KCNQ1: variants seen among roughly 807,000 people sequenced by gnomAD.
KCNQ1 encodes potassium voltage-gated channel subfamily KQT member 1.
A neutral mutation model predicts 72.4 loss-of-function variants in KCNQ1; 49 were observed. The observed-to-expected ratio is 0.68, with a 90% CI of 0.54 to 0.86. The LOEUF is 0.86. Among genes scored for constraint, KCNQ1 ranks in the 40% least tolerant of loss-of-function variants. The pLI is 0.00. For synonymous variants in KCNQ1, 450 were observed against 412.6 expected (o/e 1.09, Z -1.10); for missense variants, 790 against 945.1 (o/e 0.84, Z 2.15).
rs1850343726 is a variant in KCNQ1, at chr11:2,679,109, T to C, written c.1514+17028T>C. On this transcript the variant is annotated intron_variant, in intron 11 of 15. Coordinates refer to ENST00000155840, the MANE Select transcript of KCNQ1 (RefSeq NM_000218.3). The surrounding 1 kb of genome is among the most constrained non-coding windows in gnomAD (Gnocchi z 4.8). The stretch of plus-strand genomic sequence containing the variant: ...GTCATAGCTAGAGCTAGAGTGCTGT[T>C]ATAAGCTGTGCAGGCCAAAATGGTT... 2.5e-6 allele frequency: 1 copy of C among 398,646 alleles called. No homozygotes were observed. The highest frequency in any genetic ancestry group is 4.4e-6 in the Non-Finnish European group (1 of 226,068). The allele number at this position is 398,646 out of a possible 1,614,324, so 24.7% of individuals were successfully genotyped here. A position where few individuals can be genotyped will look rare whatever the true frequency, so the allele number is the denominator to read the frequency against.
chr11:2,796,857 A>G (rs942955936), intron 15 of KCNQ1, among the ~76,000 whole-genome samples: 1 of 152,154 alleles, frequency 6.6e-6, no homozygotes, highest in Admixed American at 6.5e-5. Flanking sequence ...TGAGAAAACG[A>G]TGGGGCAGGG....
intron 11 of KCNQ1, chr11:2,685,044 T>G: frequency 2.5e-6 from 1 of 398,662 alleles, no homozygotes; most frequent in Admixed American, 4.4e-5. Context: ...GCACATTTCC[T>G]GGATTTAAAA....
intron 10 of KCNQ1, chr11:2,648,011 T>C (rs1849692626): frequency 2.3e-5 from 9 of 396,136 alleles, no homozygotes; most frequent in South Asian, 1.4e-4. Flanking sequence ...TCCAGGAGTT[T>C]GAGACCAGCC....
intron 2 of KCNQ1, among the ~76,000 whole-genome samples, chr11:2,561,439 C>T (rs1404801523): frequency 6.6e-6 from 1 of 152,172 alleles, no homozygotes; most frequent in Non-Finnish European, 1.5e-5. Flanking sequence ...CCCTCTTGAG[C>T]ACATGGGACA....
chr11:2,513,080 G>A (rs1477757291), intron 1 of KCNQ1, among the ~76,000 whole-genome samples: 2 of 152,194 alleles, frequency 1.3e-5, no homozygotes, highest in Middle Eastern at 3.4e-3. Context: ...GAGAGCTCCC[G>A]AGGAGAAAGC....
chr11:2,521,468 A>C (rs760744416), intron 1 of KCNQ1: 1 of 465,540 alleles, frequency 2.1e-6, no homozygotes, highest in Non-Finnish European at 4.5e-6. Context: ...CGTAATTTTT[A>C]ATGTTTACAG....
rs1845716633 is a variant in KCNQ1 at position 2,723,963 on chromosome 11, T to C, written c.1515-44881T>C. On this transcript the variant is annotated intron_variant, in intron 11 of 15. Transcript: ENST00000155840. This position sits in a 1 kb window ranked among gnomAD's most constrained non-coding sequence, Gnocchi z 4.2. The stretch of plus-strand genomic sequence containing the variant: ...GTATCTGCCGTGGGCGTGGAGGCAT[T>C]TACTCTTTTCACCGGGGGAGCAGAA... Among the ~76,000 whole-genome samples, 1 of 152,048 alleles carries C rather than the reference T, an allele frequency of 6.6e-6. No individual in the cohort carries two copies. The highest frequency in any genetic ancestry group is 6.5e-5 in the Admixed American group (1 of 15,280).
rs147344190 is a variant in KCNQ1, at chr11:2,498,912, C to T, written c.387-29016C>T. Among the ~76,000 whole-genome samples the T allele has an allele frequency of 4.5e-3, 686 of 152,280 alleles. 6 individuals are homozygous for T. Among genetic ancestry groups the T allele is most frequent in the African/African-American group, 0.016 (663 of 41,566 alleles). On this transcript the variant is annotated intron_variant, in intron 1 of 15. Coordinates refer to ENST00000155840, the MANE Select transcript of KCNQ1 (RefSeq NM_000218.3). The surrounding 1 kb of genome is among the most constrained non-coding windows in gnomAD (Gnocchi z 4.8). Reference sequence around the variant, plus strand: ...TCACAGTCCCGGGTATCACAGATGACGGGTTGATGGGTGCAGCAACTGCAT... The same window carrying T: ...TCACAGTCCCGGGTATCACAGATGATGGGTTGATGGGTGCAGCAACTGCAT...
At chr11:2,614,402 CACTT>C (rs1849027476) in intron 10 of KCNQ1, 5 of 398,502 alleles carry the variant, frequency 1.3e-5, no homozygotes, top group East Asian at 3.6e-5. Context: ...AATTCAGTGT[CACTT>C]AGTACATTTA....
rs1371304969 is a variant in KCNQ1 at position 2,497,094 on chromosome 11, A to C, written c.387-30834A>C. Among the ~76,000 whole-genome samples the C allele has an allele frequency of 5.3e-5, 8 of 152,198 alleles. No individual in the cohort carries two copies. The highest frequency in any genetic ancestry group is 1.3e-4 in the Admixed American group (2 of 15,296). ...CTGACCTTTCTCTCTGGCTGCCCTT[A>C]ACGTTTTGTCCTTCATTTAAACCTT... On this transcript the variant is annotated intron_variant, in intron 1 of 15. Transcript: ENST00000155840. The surrounding 1 kb of genome is among the most constrained non-coding windows in gnomAD (Gnocchi z 4.5).
In KCNQ1 at chr11:2,478,814, A is replaced by G. The variant is rs964189340; in HGVS notation, c.386+33330A>G. ...GCATTAACTCAAAAATCTGCAGTCC[A>G]AAGTCTCATCTGAGACCAGGCAAGT... On this transcript the variant is annotated intron_variant, in intron 1 of 15. Transcript: ENST00000155840. The surrounding 1 kb of genome is among the most constrained non-coding windows in gnomAD (Gnocchi z 4.0). Among the ~76,000 whole-genome samples, 6 of 152,228 alleles carry G rather than the reference A, an allele frequency of 3.9e-5. No individual in the cohort carries two copies. The highest frequency in any genetic ancestry group is 8.8e-5 in the Non-Finnish European group (6 of 68,038).
At chr11:2,722,916 G>A (rs1845693642) in intron 11 of KCNQ1, among the ~76,000 whole-genome samples, 1 of 152,164 alleles carries the variant, frequency 6.6e-6, no homozygotes, top group Non-Finnish European at 1.5e-5. Flanking sequence ...GGGGGTGGGG[G>A]CATGTGTCAC....
Position 2,494,823 on chromosome 11 carries a change from A to G in KCNQ1, c.387-33105A>G, listed in dbSNP as rs1397518113. On this transcript the variant is annotated intron_variant, in intron 1 of 15. Transcript: ENST00000155840. The surrounding 1 kb of genome is among the most constrained non-coding windows in gnomAD (Gnocchi z 4.6). ...TTTCTTTTTTTGTGTGTCGCTGCCA[A>G]ATTTTGGTATCAGGATGATGCTGGC... Among the ~76,000 whole-genome samples the G allele has an allele frequency of 2.0e-5, 3 of 151,978 alleles. No individual in the cohort carries two copies. Among genetic ancestry groups the G allele is most frequent in the African/African-American group, 7.2e-5 (3 of 41,386 alleles).
At chr11:2,776,182 T>G in intron 13 of KCNQ1, 128 bp downstream of exon 13, 2 of 788,416 alleles carry the variant, frequency 2.5e-6, no homozygotes, top group Non-Finnish European at 4.1e-6. Flanking sequence ...AACCACCCCC[T>G]TCTCCTCACC....
chr11:2,556,121 G>A (rs1415606404), intron 2 of KCNQ1, among the ~76,000 whole-genome samples: 4 of 152,250 alleles, frequency 2.6e-5, no homozygotes, highest in Non-Finnish European at 2.9e-5. Flanking sequence ...AAGGGTTCCC[G>A]GTCGACGCAT....
At position 2,764,748 on chromosome 11, in the gene KCNQ1, AAAT is replaced by A. The variant is rs1309107091; in HGVS notation, c.1515-4092_1515-4090del. On this transcript the variant is annotated intron_variant, in intron 11 of 15. Coordinates refer to ENST00000155840, the MANE Select transcript of KCNQ1 (RefSeq NM_000218.3). This position sits in a 1 kb window ranked among gnomAD's most constrained non-coding sequence, Gnocchi z 4.8. ...GTCTACTTTTACATACTGTGTTTTT[AAAT>A]AATTTGTATATTTTATCTAAATCAT... Among the ~76,000 whole-genome samples the A allele has an allele frequency of 1.4e-4, 21 of 152,262 alleles. No individual in the cohort carries two copies. Among genetic ancestry groups the A allele is most frequent in the African/African-American group, 4.8e-4 (20 of 41,550 alleles).
At chr11:2,689,311 C>T in intron 11 of KCNQ1, 1 of 398,662 alleles carries the variant, frequency 2.5e-6, no homozygotes, top group Non-Finnish European at 4.4e-6. Flanking sequence ...GACTCAATGC[C>T]ACCTCAGGAC....
rs1230876453 is a variant in KCNQ1, at chr11:2,691,059, A to G, written c.1514+28978A>G. ...TCAGGATATGCTGGGTGAGGGAAATAATGGAGGCACCTTTGTTCTAGATGC... is the reference window on the plus strand; with the variant it reads ...TCAGGATATGCTGGGTGAGGGAAATGATGGAGGCACCTTTGTTCTAGATGC... On this transcript the variant is annotated intron_variant, in intron 11 of 15. Coordinates refer to ENST00000155840, the MANE Select transcript of KCNQ1 (RefSeq NM_000218.3). The surrounding 1 kb of genome is among the most constrained non-coding windows in gnomAD (Gnocchi z 6.4). The G allele has an allele frequency of 2.5e-6, 1 of 398,502 alleles. No homozygotes were observed. Among genetic ancestry groups the G allele is most frequent in the African/African-American group, 2.1e-5 (1 of 48,622 alleles). 24.7% of individuals were successfully genotyped at this position (398,502 alleles called of 1,614,324 possible).
rs768414750 is a variant in KCNQ1 at position 2,509,779 on chromosome 11, C to T, written c.387-18149C>T. On this transcript the variant is annotated intron_variant, in intron 1 of 15. Transcript: ENST00000155840. The surrounding 1 kb of genome is among the most constrained non-coding windows in gnomAD (Gnocchi z 6.3). ...TCCGGGGGTGGGGAGCGGGGCTGGGCGGCTGCTGGCTGAGCCAAGTGGACT... is the reference window on the plus strand; with the variant it reads ...TCCGGGGGTGGGGAGCGGGGCTGGGTGGCTGCTGGCTGAGCCAAGTGGACT... 4.6e-5 allele frequency among the ~76,000 whole-genome samples: 7 copies of T among 152,086 alleles called. No homozygotes were observed. Among genetic ancestry groups the T allele is most frequent in the Non-Finnish European group, 7.4e-5 (5 of 68,006 alleles).
Sources: allele counts gnomAD v4.1 joint callset (sites outside exome capture counted in the v4.1 genomes callset), GRCh38; gene constraint gnomAD v4.1.1; non-coding constraint Gnocchi (gnomAD v3.1); transcripts MANE v1.5; gene names NCBI Gene and HGNC (gene_info 2026-07-23, HGNC 2026-07-21).